Variants in RBFOX1 observed in about 807,000 individuals in gnomAD.
The protein encoded by RBFOX1 is RNA binding fox-1 homolog 1, also known as RNA binding protein fox-1 homolog 1.
A neutral mutation model predicts 57.7 loss-of-function variants in RBFOX1; 8 were observed. That is an observed-to-expected ratio of 0.14 (90% CI 0.08 to 0.25). The LOEUF (loss-of-function observed/expected upper bound fraction) is 0.25. Ranked by LOEUF, RBFOX1 falls within the 10% of genes least tolerant of loss-of-function variation. The probability of loss-of-function intolerance (pLI) is 1.00; values close to 1 mark genes in which losing one functional copy is unlikely to be tolerated. For missense variants in RBFOX1, 611 were observed against 548.5 expected (o/e 1.11, Z -1.14); for synonymous variants, 326 against 222.4 (o/e 1.47, Z -4.15).
intron 3 of RBFOX1, among the ~76,000 whole-genome samples, chr16:5,641,581 C>A (rs542433113): frequency 3.9e-5 from 6 of 152,170 alleles, no homozygotes; most frequent in Non-Finnish European, 8.8e-5. Flanking sequence ...CCATTTATTG[C>A]AAGTGTGATA....
rs80139681 is a variant in RBFOX1 at position 5,290,249 on chromosome 16, C to G, written c.219+50144C>G. Among the ~76,000 whole-genome samples the G allele has an allele frequency of 2.6e-4, 40 of 152,274 alleles. No homozygotes were observed. The East Asian group carries it at 7.7e-3, about 29-fold the overall frequency. Reference sequence around the variant, plus strand: ...TGGTGGCAGACGCCTCTAATCCCAGCTACTTGGGAGGCTGAGGCAGGAGAA... The same window carrying G: ...TGGTGGCAGACGCCTCTAATCCCAGGTACTTGGGAGGCTGAGGCAGGAGAA... On this transcript the variant is annotated intron_variant, in intron 1 of 2. Coordinates refer to the RBFOX1 transcript ENST00000585867.
intron 1 of RBFOX1, among the ~76,000 whole-genome samples, chr16:6,084,750 A>G (rs1007602973): frequency 4.1e-4 from 62 of 151,302 alleles, no homozygotes; most frequent in Admixed American, 1.3e-4. Flanking sequence ...CCACCTCTTC[A>G]TGGGGAAGCC....
intron 1 of RBFOX1, among the ~76,000 whole-genome samples, chr16:6,093,740 G>C (rs1453170847): frequency 6.6e-6 from 1 of 151,788 alleles, no homozygotes; most frequent in Non-Finnish European, 1.5e-5. Context: ...TTTCTCCTCA[G>C]CCTCCTAAAT....
At chr16:7,689,472 C>A (rs1489781126) in intron 14 of RBFOX1, among the ~76,000 whole-genome samples, 1 of 152,122 alleles carries the variant, frequency 6.6e-6, no homozygotes, top group Non-Finnish European at 1.5e-5. Context: ...AAATGAGTGC[C>A]TGTGGAGCTG....
At chr16:7,387,940 G>A (rs2097912424) in intron 4 of RBFOX1, among the ~76,000 whole-genome samples, 1 of 152,162 alleles carries the variant, frequency 6.6e-6, no homozygotes, top group Non-Finnish European at 1.5e-5. Flanking sequence ...ATTGTTGGAA[G>A]GGTCAAAGCA....
intron 3 of RBFOX1, among the ~76,000 whole-genome samples, chr16:7,003,463 A>C (rs2153637930): frequency 6.6e-6 from 1 of 151,948 alleles, no homozygotes; most frequent in Admixed American, 6.6e-5. Context: ...CATCTTAAAA[A>C]AAAAAAAAGA....
chr16:7,146,581 C>T (rs1207790051), intron 4 of RBFOX1, among the ~76,000 whole-genome samples: 4 of 152,078 alleles, frequency 2.6e-5, no homozygotes, highest in African/African-American at 9.7e-5. Flanking sequence ...TGAAACAAAG[C>T]AAGAAGAATA....
At chr16:6,385,759 A>G (rs931577439) in intron 2 of RBFOX1, among the ~76,000 whole-genome samples, 3 of 152,214 alleles carry the variant, frequency 2.0e-5, no homozygotes, top group Non-Finnish European at 4.4e-5. Context: ...TCACGTCTAC[A>G]CATCGTATTT....
intron 3 of RBFOX1, among the ~76,000 whole-genome samples, chr16:6,857,268 C>T (rs74007776): frequency 2.6e-5 from 4 of 152,090 alleles, no homozygotes; most frequent in Admixed American, 6.6e-5. Flanking sequence ...CTAAATAAAT[C>T]GCAAACTTAT....
At chr16:5,857,176 G>A (rs538423304) in intron 3 of RBFOX1, among the ~76,000 whole-genome samples, 1 of 152,218 alleles carries the variant, frequency 6.6e-6, no homozygotes, top group South Asian at 2.1e-4. Context: ...GACCTGAGGA[G>A]AGAGGGAAAG....
chr16:6,326,897 C>T (rs112340633), intron 2 of RBFOX1, among the ~76,000 whole-genome samples: 2 of 152,266 alleles, frequency 1.3e-5, no homozygotes, highest in African/African-American at 4.8e-5. Context: ...AGGGAAATCT[C>T]CATGTCTTGC....
At chr16:5,689,942 C>G (rs17138389) in intron 3 of RBFOX1, among the ~76,000 whole-genome samples, 1 of 152,090 alleles carries the variant, frequency 6.6e-6, no homozygotes, top group Non-Finnish European at 1.5e-5. Flanking sequence ...GACCTGGAGA[C>G]GTAGAGCATG....
chr16:5,611,232 C>G (rs1268795305), intron 3 of RBFOX1: 1 of 152,264 alleles, frequency 6.6e-6, no homozygotes, highest in Non-Finnish European at 1.5e-5. Context: ...GGTTCTTACT[C>G]ACCTGTCTGG....
At chr16:6,137,956 A>G (rs1472903109) in intron 1 of RBFOX1, among the ~76,000 whole-genome samples, 1 of 152,130 alleles carries the variant, frequency 6.6e-6, no homozygotes, top group East Asian at 1.9e-4. Context: ...TTTATATGCA[A>G]CTAAACTGAG....
intron 2 of RBFOX1, among the ~76,000 whole-genome samples, chr16:5,468,468 T>G (rs901929343): frequency 7.2e-5 from 11 of 152,322 alleles, no homozygotes; most frequent in Admixed American, 7.2e-4. Flanking sequence ...TGTGTCTGGC[T>G]TCTTTTACCA....
chr16:7,312,033 C>T (rs935274187), intron 4 of RBFOX1, among the ~76,000 whole-genome samples: 4 of 152,130 alleles, frequency 2.6e-5, no homozygotes, highest in African/African-American at 9.7e-5. Context: ...CAAATGGGAA[C>T]ACTTAGCTCA....
intron 2 of RBFOX1, among the ~76,000 whole-genome samples, chr16:5,551,664 G>C (rs550949642): frequency 6.6e-6 from 1 of 152,052 alleles, no homozygotes. Context: ...TACGTTCTGG[G>C]ATACACGTGC....
chr16:6,154,532 A>G (rs2122997), intron 1 of RBFOX1, among the ~76,000 whole-genome samples: 68,292 of 151,934 alleles, frequency 0.45, 16,020 homozygotes, highest in Non-Finnish European at 0.51. Context: ...AGGAATAAGG[A>G]TAGTGGGAGC....
intron 2 of RBFOX1, among the ~76,000 whole-genome samples, chr16:6,389,367 T>C (rs1441647551): frequency 2.0e-5 from 3 of 152,340 alleles, no homozygotes; most frequent in Non-Finnish European, 2.9e-5. Flanking sequence ...TTTTTTTGTG[T>C]GTGTTTCTTT....
Sources: gnomAD v4.1 joint callset for allele counts (sites outside exome capture counted in the v4.1 genomes callset) on GRCh38, gnomAD v4.1.1 for gene constraint, MANE v1.5 for transcripts, NCBI Gene and HGNC (gene_info 2026-07-23, HGNC 2026-07-21) for gene names.